ZRANB3: variants seen among roughly 807,000 people sequenced by gnomAD.
The protein encoded by ZRANB3 is zinc finger RANBP2-type containing 3.
A neutral mutation model predicts 133.8 loss-of-function variants in ZRANB3; 125 were observed. The observed-to-expected ratio is 0.93, with a 90% confidence interval of 0.81 to 1.08. The LOEUF (loss-of-function observed/expected upper bound fraction) is 1.08, where lower values mean the gene tolerates loss of function less well. Among genes scored for constraint, ZRANB3 ranks in the 50% least tolerant of loss-of-function variants. The pLI, the probability that ZRANB3 is intolerant of heterozygous loss-of-function variation, is 0.00. For synonymous variants in ZRANB3, 387 were observed against 432.7 expected, an observed-to-expected ratio of 0.89 and a Z score of 1.31; for missense variants, 1,229 against 1,275.5, an observed-to-expected ratio of 0.96 and a Z score of 0.56.
Position 135,217,548 on chromosome 2 carries a change from C to G in ZRANB3, c.2412G>C (p.Arg804Ser), listed in dbSNP as rs775830960. 6.2e-7 allele frequency: 1 copy of G among 1,613,786 alleles called. No individual in the cohort carries two copies. The change falls in exon 17 of 21, where the codon AGG (arginine) becomes AGC (serine). Residue 804 changes from arginine to serine, a missense_variant. By Grantham distance (110) the Arg-to-Ser change is moderately radical. Transcript: ENST00000264159. ...GGCTACAGAATAGCTGTCCACTTTT[C>G]CTGATTATCCTTTGCTTCATGGCAG... The part of the protein sequence containing the change: ...SLTAMKQRII[R>S]KSGQLFCSPI...
At chr2:135,408,767 C>A (rs978212020) in intron 2 of ZRANB3, among the ~76,000 whole-genome samples, 4 of 151,076 alleles carry the variant, frequency 2.6e-5, no homozygotes, top group Admixed American at 1.3e-4. Context: ...TAGGTGGGAA[C>A]TGAACAATGA....
chr2:135,313,570 T>C lies in ZRANB3; in HGVS notation c.885A>G (p.Ile295Met). The change falls in exon 8 of 21, where the codon ATA becomes ATG. Residue 295 changes from isoleucine (I) to methionine (M), a missense_variant. Physicochemically the swap from Ile to Met is conservative, Grantham distance 10. Transcript: ENST00000264159. ...TGGCACCTGAATTTGGAGTTCTCAT[T>C]ATTTTTTCCCACTCTTCAAAGCTGG... is the stretch of plus-strand genomic sequence containing the variant. ...LNTSFEEWEK[I>M]MRTPNSGAME... 6.2e-7 allele frequency: 1 copy of C among 1,613,836 alleles called. No individual in the cohort carries two copies. Among genetic ancestry groups the C allele is most frequent in the Non-Finnish European group, 8.5e-7 (1 of 1,179,798 alleles).
chr2:135,442,705 C>A (rs916561633), intron 2 of ZRANB3, among the ~76,000 whole-genome samples: 22 of 152,084 alleles, frequency 1.4e-4, no homozygotes, highest in East Asian at 5.8e-4. Flanking sequence ...GGTATATATC[C>A]AAAGGATTAT....
chr2:135,290,019 G>A (rs1681606238), intron 8 of ZRANB3, among the ~76,000 whole-genome samples: 1 of 152,222 alleles, frequency 6.6e-6, no homozygotes, highest in Non-Finnish European at 1.5e-5. Context: ...TGTATATTCT[G>A]TAGTTGTTGG....
chr2:135,199,554 C>G lies in ZRANB3; in HGVS notation c.*788G>C, dbSNP rs1319685574. The stretch of plus-strand genomic sequence containing the variant: ...TGACCTCATGATCCACCCGCTTTGG[C>G]CTCCCAAAGTGCTGGGATTACATGC... On this transcript the variant is annotated 3_prime_UTR_variant, in exon 21 of 21. Transcript: ENST00000264159. 6.6e-6 allele frequency: 1 copy of G among 152,230 alleles called. No homozygotes were observed. The highest frequency in any genetic ancestry group is 2.4e-5 in the African/African-American group (1 of 41,430). The allele number at this position is 152,230 out of a possible 1,614,324, so 9.4% of individuals were successfully genotyped here. A position where few individuals can be genotyped will look rare whatever the true frequency, so the allele number is the denominator to read the frequency against.
intron 3 of ZRANB3, among the ~76,000 whole-genome samples, chr2:135,382,567 G>A (rs1055168022): frequency 4.0e-5 from 6 of 151,508 alleles, no homozygotes; most frequent in African/African-American, 1.5e-4. Context: ...TGAAATGAAG[G>A]AAATGTTAAG....
At chr2:135,387,516 G>C (rs1398908611) in intron 3 of ZRANB3, among the ~76,000 whole-genome samples, 1 of 152,176 alleles carries the variant, frequency 6.6e-6, no homozygotes, top group Non-Finnish European at 1.5e-5. Flanking sequence ...TAGTGGTTAT[G>C]AGCTGTGATC....
At chr2:135,484,384 A>G (rs1574179890) in intron 2 of ZRANB3, among the ~76,000 whole-genome samples, 1 of 152,226 alleles carries the variant, frequency 6.6e-6, no homozygotes, top group East Asian at 1.9e-4. Context: ...GAATAAGTAC[A>G]TGACAAATAG....
At chr2:135,497,305 TGAAA>T (rs1186068306) in intron 2 of ZRANB3, among the ~76,000 whole-genome samples, 2 of 152,188 alleles carry the variant, frequency 1.3e-5, no homozygotes, top group African/African-American at 4.8e-5. Flanking sequence ...AGAGTAAGGC[TGAAA>T]GATTTATACT....
intron 12 of ZRANB3, among the ~76,000 whole-genome samples, chr2:135,260,947 C>T (rs1679934475): frequency 6.9e-6 from 1 of 144,824 alleles, no homozygotes; most frequent in Non-Finnish European, 1.5e-5. Context: ...TATTTTTATT[C>T]TATATATACA....
At chr2:135,280,256 T>G (rs1303279274) in intron 8 of ZRANB3, among the ~76,000 whole-genome samples, 2 of 152,212 alleles carry the variant, frequency 1.3e-5, no homozygotes, top group Non-Finnish European at 2.9e-5. Context: ...TAATGAAGAC[T>G]ATACATTATA....
chr2:135,302,765 C>T (rs574685605), intron 8 of ZRANB3, among the ~76,000 whole-genome samples: 43 of 152,276 alleles, frequency 2.8e-4, no homozygotes, highest in African/African-American at 1.0e-3. Flanking sequence ...ACCTCGTGAT[C>T]TGCCCACCTT....
rs533406405 is a variant in ZRANB3, at chr2:135,331,276, G to C, written c.677+14274C>G. Among the ~76,000 whole-genome samples the C allele has an allele frequency of 3.3e-5, 5 of 152,092 alleles. No homozygotes were observed. In the East Asian group the frequency reaches 9.7e-4, roughly 29 times the overall value. On this transcript the variant is annotated intron_variant, in intron 6 of 20. Transcript: ENST00000264159. Reference sequence around the variant, plus strand: ...GGTACGTTGTGCCTTTTTTCTCATTGGTTTCAAAGAACACCTTTATTTCTG... The same window carrying C: ...GGTACGTTGTGCCTTTTTTCTCATTCGTTTCAAAGAACACCTTTATTTCTG...
In ZRANB3 at chr2:135,227,968, C is replaced by G. The variant is rs754793974; in HGVS notation, c.2002G>C (p.Asp668His). 6.4e-7 allele frequency: 1 copy of G among 1,552,056 alleles called. No homozygotes were observed. Among genetic ancestry groups the G allele is most frequent in the Non-Finnish European group, 8.7e-7 (1 of 1,147,054 alleles). Reference sequence around the variant, plus strand: ...TTGGAGGTGTCTTTCTGAGAATCATCCTTCTCGTTTTTATCCTGGATATGG... The same window carrying G: ...TTGGAGGTGTCTTTCTGAGAATCATGCTTCTCGTTTTTATCCTGGATATGG... ...LNHIQDKNEK[D>H]DSQKDTSKKV... The change falls in exon 14 of 21, where the codon GAT becomes CAT. Residue 668 changes from aspartate to histidine, a missense_variant. Physicochemically the swap from Asp to His is moderately conservative, Grantham distance 81. Coordinates refer to ENST00000264159, the MANE Select transcript of ZRANB3 (RefSeq NM_032143.4).
At chr2:135,295,399 C>T (rs1344486998) in intron 8 of ZRANB3, among the ~76,000 whole-genome samples, 1 of 152,022 alleles carries the variant, frequency 6.6e-6, no homozygotes, top group African/African-American at 2.4e-5. Flanking sequence ...AGGATTGCAA[C>T]CCCTGCCTTT....
chr2:135,460,549 G>A (rs1690718907), intron 2 of ZRANB3, among the ~76,000 whole-genome samples: 2 of 152,030 alleles, frequency 1.3e-5, no homozygotes, highest in South Asian at 4.1e-4. Flanking sequence ...TTGCAGGTGT[G>A]AGCCACCGAG....
intron 1 of ZRANB3, among the ~76,000 whole-genome samples, chr2:135,505,174 G>A (rs1693119542): frequency 6.6e-6 from 1 of 151,928 alleles, no homozygotes; most frequent in Admixed American, 6.6e-5. Context: ...TTATAACTCT[G>A]GAAGAAAATG....
chr2:135,388,567 T>C (rs1348954890), intron 3 of ZRANB3, among the ~76,000 whole-genome samples: 2 of 152,168 alleles, frequency 1.3e-5, no homozygotes, highest in Admixed American at 6.6e-5. Context: ...GCTGGTCTGT[T>C]TGGAAAAGAA....
intron 8 of ZRANB3, among the ~76,000 whole-genome samples, chr2:135,296,700 T>C (rs1466074164): frequency 1.3e-5 from 2 of 152,290 alleles, no homozygotes; most frequent in Non-Finnish European, 1.5e-5. Context: ...TTCCCCATTT[T>C]TGTGGTTTTA....
Sources: allele counts gnomAD v4.1 joint callset (sites outside exome capture counted in the v4.1 genomes callset), GRCh38; gene constraint gnomAD v4.1.1; transcripts MANE v1.5; gene names NCBI Gene and HGNC (gene_info 2026-07-23, HGNC 2026-07-21).